Variants in MTIF2 observed in about 807,000 individuals in gnomAD.
MTIF2 encodes the protein translation initiation factor IF-2, mitochondrial.
A neutral mutation model predicts 83.5 loss-of-function variants in MTIF2; 71 were observed. That is an observed-to-expected ratio of 0.85 (90% CI 0.70 to 1.04). The LOEUF is 1.04. MTIF2 is among the 50% of genes least tolerant of loss of function. The probability of loss-of-function intolerance (pLI) is 0.00; values close to 1 mark genes in which losing one functional copy is unlikely to be tolerated. For synonymous variants in MTIF2, 319 were observed against 287.1 expected (o/e 1.11, Z -1.12); for missense variants, 957 against 846.5 (o/e 1.13, Z -1.62).
At chr2:55,242,868 A>T in intron 13 of MTIF2, 72 bp downstream of exon 13, 3 of 1,490,494 alleles carry the variant, frequency 2.0e-6, no homozygotes, top group Non-Finnish European at 1.8e-6. Context: ...AAGCCAAGCA[A>T]CAAAAGACAG....
chr2:55,253,278 T>A (rs1238627246), intron 7 of MTIF2, among the ~76,000 whole-genome samples: 1 of 152,216 alleles, frequency 6.6e-6, no homozygotes, highest in African/African-American at 2.4e-5. Flanking sequence ...ATTTAATTAT[T>A]ATCAGCAATA....
chr2:55,247,609 A>T (rs1676796265), intron 9 of MTIF2, among the ~76,000 whole-genome samples: 1 of 152,138 alleles, frequency 6.6e-6, no homozygotes, highest in African/African-American at 2.4e-5. Flanking sequence ...AAAACAAAAA[A>T]ATTGACTAAA....
chr2:55,254,689 CTGTTT>C lies in MTIF2; in HGVS notation c.463_467del (p.Lys155GlyfsTer7). ...CATCTTTATTTTTTCTGACTTTGTCCTGTTTTAATTTACTCCACTTTAACTTCATC... is the reference window on the plus strand; with the variant it reads ...CATCTTTATTTTTTCTGACTTTGTCCTAATTTACTCCACTTTAACTTCATC... On this transcript the variant is annotated frameshift_variant, in exon 6 of 16. Coordinates refer to ENST00000263629, the MANE Select transcript of MTIF2 (RefSeq NM_002453.3). LOFTEE classifies it high-confidence loss of function. 5 of 1,606,588 alleles carry C rather than the reference CTGTTT, an allele frequency of 3.1e-6. No homozygotes were observed. Among genetic ancestry groups the C allele is most frequent in the Non-Finnish European group, 3.4e-6 (4 of 1,177,048 alleles).
At chr2:55,240,921 T>C (rs1676255973) in intron 13 of MTIF2, among the ~76,000 whole-genome samples, 2 of 152,276 alleles carry the variant, frequency 1.3e-5, no homozygotes, top group East Asian at 1.9e-4. Context: ...GGTATTCAGA[T>C]GGCCAAAAGA....
At chr2:55,262,186 T>C in intron 5 of MTIF2, 130 bp downstream of exon 5, 1 of 691,594 alleles carries the variant, frequency 1.4e-6, no homozygotes, top group Non-Finnish European at 2.5e-6. Context: ...TGAAGAATAT[T>C]ACAATGACTT....
chr2:55,243,976 G>A (rs1573863335), intron 11 of MTIF2, 53 bp downstream of exon 11: 1 of 1,367,420 alleles, frequency 7.3e-7, no homozygotes, highest in Non-Finnish European at 1.0e-6. Context: ...TTGTAAACTG[G>A]CATTTAAAAT....
intron 7 of MTIF2, 35 bp downstream of exon 7, chr2:55,254,006 T>G: frequency 6.2e-7 from 1 of 1,606,328 alleles, no homozygotes; most frequent in African/African-American, 1.3e-5. Flanking sequence ...TAAGTGGGGT[T>G]CCCAAGCACA....
Position 55,268,361 on chromosome 2 carries a change from A to T in MTIF2, c.-75+217T>A, listed in dbSNP as rs115142837. On this transcript the variant is annotated intron_variant, in intron 2 of 15. Transcript: ENST00000263629. ...TTATTTACGTTTGTGCCCCTGGACC[A>T]AGAAGTAGAGTGCTCAGGTAACACA... 5.6e-3 allele frequency among the ~76,000 whole-genome samples: 854 copies of T among 152,314 alleles called. 10 individuals are homozygous for T. Among genetic ancestry groups the T allele is most frequent in the African/African-American group, 0.019 (788 of 41,564 alleles).
intron 15 of MTIF2, 145 bp from the exon 16 acceptor site, chr2:55,236,965 C>G (rs963963887): frequency 7.1e-5 from 49 of 686,660 alleles, no homozygotes; most frequent in Non-Finnish European, 1.0e-4. Flanking sequence ...GGACTAAATA[C>G]CAGGGGAACC....
chr2:55,265,857 T>G (rs1211670520), intron 3 of MTIF2, among the ~76,000 whole-genome samples: 2 of 152,214 alleles, frequency 1.3e-5, no homozygotes, highest in Admixed American at 1.3e-4. Context: ...TTTTTTTAAT[T>G]TTTTAAAAAG....
chr2:55,246,708 G>A (rs1303124112), intron 9 of MTIF2, among the ~76,000 whole-genome samples: 1 of 152,164 alleles, frequency 6.6e-6, no homozygotes, highest in Non-Finnish European at 1.5e-5. Context: ...GACAGATCTT[G>A]CAAGGAACAA....
intron 15 of MTIF2, 62 bp downstream of exon 15, chr2:55,237,226 T>A: frequency 2.6e-6 from 4 of 1,523,582 alleles, no homozygotes; most frequent in Non-Finnish European, 3.6e-6. Context: ...TTCAGATGGT[T>A]ATATAGTCAA....
At chr2:55,258,628 ATG>A (rs1677723037) in intron 5 of MTIF2, among the ~76,000 whole-genome samples, 1 of 152,160 alleles carries the variant, frequency 6.6e-6, no homozygotes, top group African/African-American at 2.4e-5. Flanking sequence ...CCAGACCAAC[ATG>A]CTGAAACCTC....
In MTIF2 at chr2:55,259,352, G is replaced by C. The variant is rs117855348; in HGVS notation, c.331+2964C>G. Among the ~76,000 whole-genome samples the C allele has an allele frequency of 1.5e-3, 221 of 152,158 alleles. 4 individuals carry two copies. In the East Asian group the frequency reaches 0.034, roughly 24 times the overall value. On this transcript the variant is annotated intron_variant, in intron 5 of 15. Transcript: ENST00000263629. ...TTGAATATGAAATAAGCTTCAAATA[G>C]ACACATTTATTTTCATCATAGACAA...
intron 10 of MTIF2, 100 bp downstream of exon 10, chr2:55,246,237 G>A: frequency 8.0e-7 from 1 of 1,243,948 alleles, no homozygotes; most frequent in Non-Finnish European, 1.1e-6. Context: ...TATTGTTCAT[G>A]AACTAACAAT....
intron 10 of MTIF2, 103 bp from the exon 11 acceptor site, chr2:55,244,336 G>T: frequency 1.2e-6 from 1 of 861,018 alleles, no homozygotes; most frequent in Non-Finnish European, 1.8e-6. Flanking sequence ...GTATACACAA[G>T]ATTAATTCCA....
At chr2:55,268,818 A>G (rs1678624078) in intron 1 of MTIF2, 79 bp from the exon 2 acceptor site, 2 of 152,222 alleles carry the variant, frequency 1.3e-5, no homozygotes, top group African/African-American at 2.4e-5. Context: ...GGAACTTACC[A>G]GAAAGGTAAA....
chr2:55,262,249 C>T (rs1321317606), intron 5 of MTIF2, 67 bp downstream of exon 5: 11 of 1,049,948 alleles, frequency 1.0e-5, no homozygotes, highest in African/African-American at 1.6e-5. Context: ...GCCTTAATCT[C>T]GTTGCAAATA....
At chr2:55,237,243 T>C in intron 15 of MTIF2, 45 bp downstream of exon 15, 4 of 1,572,496 alleles carry the variant, frequency 2.5e-6, no homozygotes, top group Non-Finnish European at 8.6e-7. Context: ...TCAACAGGTC[T>C]TGGTGACTGG....
Sources: gnomAD v4.1 joint callset for allele counts (sites outside exome capture counted in the v4.1 genomes callset) on GRCh38, gnomAD v4.1.1 for gene constraint, MANE v1.5 for transcripts, NCBI Gene and HGNC (gene_info 2026-07-23, HGNC 2026-07-21) for gene names.